Variants in BNC2 observed in about 807,000 individuals in gnomAD.
BNC2 encodes the protein basonuclin zinc finger protein 2.
A neutral mutation model predicts 76.3 loss-of-function variants in BNC2; 20 were observed. That is an observed-to-expected ratio of 0.26 (90% CI 0.18 to 0.38). The LOEUF is 0.38. Among genes scored for constraint, BNC2 ranks in the 10% least tolerant of loss-of-function variants. The pLI is 1.00. For missense variants in BNC2, 1,382 were observed against 1,399.8 expected (o/e 0.99, Z 0.20); for synonymous variants, 582 against 514.8 (o/e 1.13, Z -1.77).
chr9:16,616,842 C>G (rs374718289), intron 3 of BNC2, among the ~76,000 whole-genome samples: 4 of 36,028 alleles, frequency 1.1e-4, no homozygotes, highest in African/African-American at 3.2e-4. Flanking sequence ...GAAGGAAGTT[C>G]TACTGACACG....
intron 1 of BNC2, among the ~76,000 whole-genome samples, chr9:16,758,750 C>T (rs1052053950): frequency 6.6e-6 from 1 of 152,146 alleles, no homozygotes; most frequent in African/African-American, 2.4e-5. Flanking sequence ...GCATTCTACA[C>T]TGAGAATTAA....
In BNC2 at chr9:16,849,729, G is replaced by T. The variant is rs548502651; in HGVS notation, c.3+20917C>A. Among the ~76,000 whole-genome samples, 5 of 151,970 alleles carry T rather than the reference G, an allele frequency of 3.3e-5. No homozygotes were observed. The East Asian group carries it at 7.7e-4, about 23-fold the overall frequency. On this transcript the variant is annotated intron_variant, in intron 1 of 6. Transcript: ENST00000380672. ...AAATTGGAAGAAGTTCAACAACACA[G>T]ATTTTTCCAAAGCACTAATGCTTTT...
At chr9:16,781,180 C>G (rs1285032769) in intron 1 of BNC2, among the ~76,000 whole-genome samples, 2 of 151,642 alleles carry the variant, frequency 1.3e-5, no homozygotes, top group Non-Finnish European at 2.9e-5. Context: ...TTTTGTTCAG[C>G]TGATACGCTT....
At chr9:16,765,252 C>A (rs148196238) in intron 1 of BNC2, among the ~76,000 whole-genome samples, 50 of 152,148 alleles carry the variant, frequency 3.3e-4, no homozygotes, top group Non-Finnish European at 4.9e-4. Flanking sequence ...TCTGGGGTCA[C>A]AATGTAATTT....
intron 6 of BNC2, among the ~76,000 whole-genome samples, chr9:16,426,443 G>A (rs1820805602): frequency 1.3e-5 from 2 of 151,826 alleles, no homozygotes; most frequent in African/African-American, 4.8e-5. Context: ...GGAATTACAG[G>A]TGTGAGCCAC....
chr9:16,852,837 T>A (rs369967889), intron 1 of BNC2, among the ~76,000 whole-genome samples: 2 of 152,150 alleles, frequency 1.3e-5, no homozygotes, highest in South Asian at 4.2e-4. Context: ...AAAAACCCCA[T>A]GCAAAGGGCT....
chr9:16,781,531 C>T (rs1427546257), intron 1 of BNC2, among the ~76,000 whole-genome samples: 3 of 152,144 alleles, frequency 2.0e-5, no homozygotes, highest in South Asian at 2.1e-4. Flanking sequence ...TTAGTAGAGA[C>T]GGGGTTTCGT....
chr9:16,429,023 T>G (rs1016582625), intron 6 of BNC2, among the ~76,000 whole-genome samples: 22 of 152,338 alleles, frequency 1.4e-4, no homozygotes, highest in African/African-American at 4.6e-4. Context: ...AGAATCAAAG[T>G]TACCAAATCC....
chr9:16,701,557 A>G (rs565155149), intron 3 of BNC2, among the ~76,000 whole-genome samples: 3 of 152,242 alleles, frequency 2.0e-5, no homozygotes, highest in Non-Finnish European at 4.4e-5. Flanking sequence ...ACACTAAGTC[A>G]AATATTTATT....
intron 1 of BNC2, among the ~76,000 whole-genome samples, chr9:16,814,793 T>A (rs553038966): frequency 4.6e-5 from 7 of 152,340 alleles, no homozygotes; most frequent in African/African-American, 1.7e-4. Context: ...CTATACATTA[T>A]GGTGATTCTA....
rs189855260 is a variant in BNC2 at position 16,647,515 on chromosome 9, A to T, written c.331-64430T>A. On this transcript the variant is annotated intron_variant, in intron 3 of 6. Transcript: ENST00000380672. ...AATGGTCAATGCATAGAATGCAGAG[A>T]GAGTTTTTCTATTACACAATCATTT... Among the ~76,000 whole-genome samples the T allele has an allele frequency of 2.1e-3, 327 of 152,274 alleles. 1 individual carries two copies. Among genetic ancestry groups the T allele is most frequent in the Non-Finnish European group, 3.7e-3 (255 of 68,018 alleles).
intron 3 of BNC2, among the ~76,000 whole-genome samples, chr9:16,614,935 G>A (rs996770405): frequency 7.0e-6 from 1 of 142,224 alleles, no homozygotes; most frequent in African/African-American, 2.8e-5. Context: ...CAGCTTGGAT[G>A]ACAGAGTGAG....
intron 6 of BNC2, among the ~76,000 whole-genome samples, chr9:16,431,931 C>T (rs1419461620): frequency 6.6e-6 from 1 of 152,232 alleles, no homozygotes. Flanking sequence ...CACCCACCCA[C>T]CACTCACCTC....
At chr9:16,426,195 T>C (rs1820801141) in intron 6 of BNC2, among the ~76,000 whole-genome samples, 1 of 152,356 alleles carries the variant, frequency 6.6e-6, no homozygotes, top group East Asian at 1.9e-4. Flanking sequence ...GTTTTATATT[T>C]ACACTGGACA....
intron 5 of BNC2, among the ~76,000 whole-genome samples, chr9:16,458,669 C>G (rs777811934): frequency 6.6e-6 from 1 of 152,214 alleles, no homozygotes; most frequent in Non-Finnish European, 1.5e-5. Context: ...ACACACTGAC[C>G]TTCAGACTTA....
intron 4 of BNC2, among the ~76,000 whole-genome samples, chr9:16,554,056 T>C (rs1043019369): frequency 2.0e-5 from 3 of 152,208 alleles, no homozygotes; most frequent in South Asian, 2.1e-4. Flanking sequence ...AGCCAACATC[T>C]AGGCTCAAGT....
intron 3 of BNC2, among the ~76,000 whole-genome samples, chr9:16,611,898 C>T (rs953284283): frequency 3.3e-5 from 5 of 152,020 alleles, no homozygotes; most frequent in Non-Finnish European, 2.9e-5. Context: ...ATAAATAACT[C>T]GAGGAAGAAC....
chr9:16,756,062 A>G (rs984709458), intron 1 of BNC2, among the ~76,000 whole-genome samples: 3 of 152,196 alleles, frequency 2.0e-5, no homozygotes, highest in African/African-American at 7.2e-5. Flanking sequence ...CATGAGATGT[A>G]CAGAAGACTA....
intron 4 of BNC2, among the ~76,000 whole-genome samples, chr9:16,568,813 A>T (rs1385026347): frequency 5.3e-5 from 8 of 152,176 alleles, no homozygotes. Flanking sequence ...GATTAAGAGA[A>T]AAATTTCTTA....
Sources: gnomAD v4.1 joint callset for allele counts (sites outside exome capture counted in the v4.1 genomes callset) on GRCh38, gnomAD v4.1.1 for gene constraint, MANE v1.5 for transcripts, NCBI Gene and HGNC (gene_info 2026-07-23, HGNC 2026-07-21) for gene names.